Variants in IMMP2L observed in about 807,000 individuals in gnomAD.
IMMP2L encodes mitochondrial inner membrane protease subunit 2.
IMMP2L carries 18 observed loss-of-function variants against 19.3 expected under a neutral mutation model. The observed-to-expected ratio is 0.93, with a 90% CI of 0.64 to 1.38. The LOEUF is 1.38. Among genes scored for constraint, IMMP2L ranks in the 40% most tolerant of loss-of-function variants. The pLI is 0.00. For missense variants in IMMP2L, 233 were observed against 218.2 expected (o/e 1.07, Z -0.43); for synonymous variants, 76 against 73.0 (o/e 1.04, Z -0.21).
chr7:111,000,422 A>T (rs1823534831), intron 3 of IMMP2L, among the ~76,000 whole-genome samples: 1 of 152,220 alleles, frequency 6.6e-6, no homozygotes, highest in African/African-American at 2.4e-5. Flanking sequence ...GATCATCAGA[A>T]GATAATGTGA....
chr7:110,908,698 G>T (rs967142124), intron 4 of IMMP2L, among the ~76,000 whole-genome samples: 1 of 152,204 alleles, frequency 6.6e-6, no homozygotes, highest in Non-Finnish European at 1.5e-5. Flanking sequence ...CCTTTCAGAT[G>T]TGTTTGGTTT....
At chr7:110,976,811 T>C (rs1248883236) in intron 3 of IMMP2L, among the ~76,000 whole-genome samples, 1 of 151,944 alleles carries the variant, frequency 6.6e-6, no homozygotes, top group Non-Finnish European at 1.5e-5. Context: ...TCCCTACATG[T>C]TCAATAAAGA....
intron 3 of IMMP2L, among the ~76,000 whole-genome samples, chr7:111,048,351 C>G (rs867144802): frequency 2.0e-5 from 3 of 151,324 alleles, no homozygotes; most frequent in South Asian, 2.1e-4. Context: ...TCTACCAGAT[C>G]TTGCTCTTGT....
At chr7:111,411,096 A>G (rs1834372944) in intron 3 of IMMP2L, among the ~76,000 whole-genome samples, 1 of 150,704 alleles carries the variant, frequency 6.6e-6, no homozygotes, top group Non-Finnish European at 1.5e-5. Flanking sequence ...TTGCTAAAAA[A>G]AAAAAAAAAA....
intron 5 of IMMP2L, among the ~76,000 whole-genome samples, chr7:110,813,597 T>G (rs1802208215): frequency 6.6e-6 from 1 of 151,876 alleles, no homozygotes; most frequent in South Asian, 2.1e-4. Flanking sequence ...CTGGCCTATT[T>G]TTTCTAACAC....
intron 3 of IMMP2L, among the ~76,000 whole-genome samples, chr7:111,147,858 A>C (rs184939312): frequency 6.6e-6 from 1 of 152,276 alleles, no homozygotes; most frequent in East Asian, 1.9e-4. Context: ...ATGTTCCAAG[A>C]AGAATTTATT....
At chr7:111,092,606 T>G (rs1338187557) in intron 3 of IMMP2L, among the ~76,000 whole-genome samples, 1 of 152,194 alleles carries the variant, frequency 6.6e-6, no homozygotes, top group Non-Finnish European at 1.5e-5. Context: ...TCATCTTTAG[T>G]TTCAGAAGCA....
chr7:110,769,779 C>T (rs746773377), intron 5 of IMMP2L, among the ~76,000 whole-genome samples: 5 of 152,186 alleles, frequency 3.3e-5, no homozygotes, highest in East Asian at 1.9e-4. Context: ...GTAAGATAGA[C>T]GTTATATGAC....
intron 3 of IMMP2L, among the ~76,000 whole-genome samples, chr7:111,358,800 G>T (rs190289112): frequency 6.6e-6 from 1 of 152,234 alleles, no homozygotes; most frequent in African/African-American, 2.4e-5. Flanking sequence ...ATGGGAGAAA[G>T]TCTCTTTTAG....
intron 3 of IMMP2L, among the ~76,000 whole-genome samples, chr7:111,395,809 C>T (rs2131367006): frequency 6.6e-6 from 1 of 152,216 alleles, no homozygotes; most frequent in South Asian, 2.1e-4. Flanking sequence ...TTTACTTAAA[C>T]TATAAAATTC....
rs1260269867 is a variant in IMMP2L at position 111,401,541 on chromosome 7, A to G, written c.239+85697T>C. Among the ~76,000 whole-genome samples, 9 of 152,296 alleles carry G rather than the reference A, an allele frequency of 5.9e-5. 1 individual carries two copies. In the East Asian group the frequency reaches 1.5e-3, roughly 26 times the overall value. ...ATTTCAATGTACTTCTTTGAATAAG[A>G]GAAAAATTAACCAGTCATGTCCTTT... On this transcript the variant is annotated intron_variant, in intron 3 of 5. Transcript: ENST00000405709.
intron 3 of IMMP2L, among the ~76,000 whole-genome samples, chr7:111,463,013 C>T (rs1486053668): frequency 3.3e-5 from 5 of 152,096 alleles, no homozygotes; most frequent in African/African-American, 4.8e-5. Context: ...TCTCACAGTT[C>T]CGGAGGCCAG....
rs376207707 is a variant in IMMP2L, at chr7:111,067,902, T to C, written c.240-104337A>G. ...ATGCATGGTCATAGTCTCTAACAGA[T>C]AAGAGAATCGCAGCAAGAGATTAAG... On this transcript the variant is annotated intron_variant, in intron 3 of 5. Transcript: ENST00000405709. 1.3e-4 allele frequency among the ~76,000 whole-genome samples: 20 copies of C among 152,230 alleles called. No individual in the cohort carries two copies. In the East Asian group the frequency reaches 3.7e-3, roughly 28 times the overall value.
intron 5 of IMMP2L, among the ~76,000 whole-genome samples, chr7:110,774,859 G>A (rs1799272099): frequency 6.6e-6 from 1 of 152,036 alleles, no homozygotes. Flanking sequence ...CCTGCATTTA[G>A]TGATGCGTGA....
At chr7:111,263,136 G>A (rs1817497807) in intron 3 of IMMP2L, among the ~76,000 whole-genome samples, 1 of 152,024 alleles carries the variant, frequency 6.6e-6, no homozygotes, top group Non-Finnish European at 1.5e-5. Flanking sequence ...AATATTGAAG[G>A]GTTTGGAGTA....
rs566940426 is a variant in IMMP2L at position 111,264,415 on chromosome 7, C to G, written c.239+222823G>C. On this transcript the variant is annotated intron_variant, in intron 3 of 5. Coordinates refer to ENST00000405709, the MANE Select transcript of IMMP2L (RefSeq NM_032549.4). ...AATCAGACATTTCTGCTGGAAACAG[C>G]AGATGGGAATTTTGTTTTATTTTAT... Among the ~76,000 whole-genome samples the G allele has an allele frequency of 5.6e-4, 85 of 152,182 alleles. 1 individual carries two copies. The highest frequency in any genetic ancestry group is 2.0e-3 in the African/African-American group (82 of 41,532).
chr7:111,128,147 CTTAGT>C (rs1801497902), intron 3 of IMMP2L, among the ~76,000 whole-genome samples: 1 of 151,910 alleles, frequency 6.6e-6, no homozygotes, highest in Non-Finnish European at 1.5e-5. Context: ...AAAACAATTC[CTTAGT>C]TTATTCATTT....
intron 4 of IMMP2L, among the ~76,000 whole-genome samples, chr7:110,903,944 G>A (rs1057472443): frequency 1.3e-5 from 2 of 150,952 alleles, no homozygotes; most frequent in African/African-American, 4.9e-5. Context: ...ATCTCGTTGT[G>A]GTTTTGATTT....
Position 111,123,267 on chromosome 7 carries a change from T to G in IMMP2L, c.240-159702A>C. On this transcript the variant is annotated intron_variant, in intron 3 of 5. Transcript: ENST00000405709. This position sits in a 1 kb window ranked among gnomAD's most constrained non-coding sequence, Gnocchi z 6.4. ...CTGGAGCCTTTATTGGCCTACATAA[T>G]CTTCTTCGACTTCATCTCAATTCAA... The G allele has an allele frequency of 6.2e-7, 1 of 1,613,862 alleles. No homozygotes were observed. Among genetic ancestry groups the G allele is most frequent in the Non-Finnish European group, 8.5e-7 (1 of 1,179,950 alleles).
Sources: gnomAD v4.1 joint callset for allele counts (sites outside exome capture counted in the v4.1 genomes callset) on GRCh38, gnomAD v4.1.1 for gene constraint, Gnocchi (gnomAD v3.1) non-coding constraint, MANE v1.5 for transcripts, NCBI Gene and HGNC (gene_info 2026-07-23, HGNC 2026-07-21) for gene names.